Variants in MIGA1 observed in about 807,000 individuals in gnomAD.
The protein encoded by MIGA1 is family with sequence similarity 73, member A.
Under a neutral mutation model 82.0 loss-of-function variants are expected in MIGA1, and 58 were observed. That is an observed-to-expected ratio of 0.71 (90% CI 0.57 to 0.88). MIGA1 has a LOEUF of 0.88. Ranked by LOEUF, MIGA1 falls within the 40% of genes least tolerant of loss-of-function variation. MIGA1 has a pLI of 0.00. For synonymous variants in MIGA1, 249 were observed against 253.6 expected, an observed-to-expected ratio of 0.98 and a Z score of 0.17; for missense variants, 751 against 749.1, an observed-to-expected ratio of 1.00 and a Z score of -0.03.
chr1:77,858,813 T>G, intron 8 of MIGA1, 125 bp from the exon 9 acceptor site: 1 of 602,154 alleles, frequency 1.7e-6, no homozygotes, highest in South Asian at 2.1e-5. Context: ...AGAGACAGGG[T>G]CTTACCATGT....
intron 2 of MIGA1, among the ~76,000 whole-genome samples, chr1:77,783,757 G>T (rs959635358): frequency 3.9e-5 from 6 of 152,038 alleles, no homozygotes; most frequent in Admixed American, 3.9e-4. Context: ...TCACATTGTT[G>T]TACAAACAAT....
At chr1:77,786,269 C>G (rs1040546951) in intron 2 of MIGA1, among the ~76,000 whole-genome samples, 5 of 152,210 alleles carry the variant, frequency 3.3e-5, no homozygotes, top group African/African-American at 7.2e-5. Context: ...CCTGAAACCA[C>G]TTTTTCCTCC....
intron 7 of MIGA1, among the ~76,000 whole-genome samples, chr1:77,840,255 A>C (rs1003989782): frequency 1.1e-4 from 17 of 152,306 alleles, no homozygotes; most frequent in African/African-American, 4.1e-4. Flanking sequence ...ACTTGGATTT[A>C]ATGAGTAAAT....
chr1:77,794,446 T>C (rs553149787), intron 2 of MIGA1, among the ~76,000 whole-genome samples: 49 of 152,304 alleles, frequency 3.2e-4, no homozygotes, highest in African/African-American at 1.1e-3. Context: ...AGGATAGGTA[T>C]TTTGCAGAAT....
chr1:77,814,957 C>G (rs1683516838), intron 6 of MIGA1, 151 bp from the exon 7 acceptor site: 1 of 459,364 alleles, frequency 2.2e-6, no homozygotes, highest in African/African-American at 2.0e-5. Context: ...ACCCAGGCCT[C>G]TTGACTTCTG....
At chr1:77,843,699 C>G (rs901239292) in intron 8 of MIGA1, among the ~76,000 whole-genome samples, 3 of 152,096 alleles carry the variant, frequency 2.0e-5, no homozygotes, top group Non-Finnish European at 4.4e-5. Flanking sequence ...AATTTTTCAA[C>G]TTATATCAAG....
intron 14 of MIGA1, among the ~76,000 whole-genome samples, chr1:77,871,575 C>A (rs1030807132): frequency 6.6e-6 from 1 of 151,920 alleles, no homozygotes; most frequent in Non-Finnish European, 1.5e-5. Context: ...ATAACCCCCG[C>A]CCCCCAGGAG....
intron 12 of MIGA1, among the ~76,000 whole-genome samples, chr1:77,862,997 C>T (rs1685526661): frequency 6.6e-6 from 1 of 151,644 alleles, no homozygotes; most frequent in African/African-American, 2.4e-5. Flanking sequence ...GCCTTCTAGG[C>T]AGAGAAAACA....
chr1:77,860,122 GA>G lies in MIGA1; in HGVS notation c.1274del (p.Lys425ArgfsTer13). On this transcript the variant is annotated frameshift_variant, in exon 11 of 16. Transcript: ENST00000370791. LOFTEE classifies it high-confidence loss of function. ...TTATCAGCTTTAATTGTGAAAGCAC[GA>G]AAGGTAAACTTGTTCTGTTGGCAAG... The G allele has an allele frequency of 1.2e-6, 2 of 1,605,030 alleles. No individual in the cohort carries two copies. The highest frequency in any genetic ancestry group is 1.7e-6 in the Non-Finnish European group (2 of 1,173,438).
chr1:77,837,610 G>A (rs1684479649), intron 7 of MIGA1, among the ~76,000 whole-genome samples: 1 of 152,202 alleles, frequency 6.6e-6, no homozygotes, highest in African/African-American at 2.4e-5. Context: ...GGCAAGTACT[G>A]AGTGAAAAAT....
intron 15 of MIGA1, among the ~76,000 whole-genome samples, 162 bp from the exon 16 acceptor site, chr1:77,874,684 G>A (rs1173885496): frequency 6.6e-6 from 1 of 152,086 alleles, no homozygotes; most frequent in African/African-American, 2.4e-5. Flanking sequence ...AAAAAGGAAA[G>A]GTTAAATCAC....
intron 5 of MIGA1, among the ~76,000 whole-genome samples, chr1:77,807,968 A>G (rs959628114): frequency 1.3e-5 from 2 of 151,898 alleles, no homozygotes; most frequent in African/African-American, 4.8e-5. Context: ...ACAGGTGTGC[A>G]TCACCACCCC....
chr1:77,847,377 A>C, intron 8 of MIGA1: 1 of 1,070,396 alleles, frequency 9.3e-7, no homozygotes, highest in Non-Finnish European at 1.5e-6. Flanking sequence ...GGAAAACAAT[A>C]CTAAATTGCT....
At chr1:77,816,003 G>A (rs920823336) in intron 7 of MIGA1, among the ~76,000 whole-genome samples, 3 of 152,162 alleles carry the variant, frequency 2.0e-5, no homozygotes, top group African/African-American at 7.2e-5. Flanking sequence ...GGGTGCAGTG[G>A]CATGATCTTG....
chr1:77,877,459 A>G lies in MIGA1; in HGVS notation c.*2395A>G, dbSNP rs1646902508. ...TATTATTGACGGGAATATGATTAGA[A>G]GTACCAAAACTAAAAATTCCATTAT... On this transcript the variant is annotated 3_prime_UTR_variant, in exon 16 of 16. Coordinates refer to ENST00000370791, the MANE Select transcript of MIGA1 (RefSeq NM_198549.4). The G allele has an allele frequency of 1.3e-5, 2 of 152,222 alleles. No homozygotes were observed. Among genetic ancestry groups the G allele is most frequent in the Admixed American group, 1.3e-4 (2 of 15,274 alleles). 9.4% of individuals were successfully genotyped at this position (152,222 alleles called of 1,614,324 possible). A position where few individuals can be genotyped will look rare whatever the true frequency, so the allele number is the denominator to read the frequency against.
intron 6 of MIGA1, 92 bp from the exon 7 acceptor site, chr1:77,815,016 C>T: frequency 1.1e-6 from 1 of 894,462 alleles, no homozygotes. Context: ...ATATTACTCA[C>T]TTTCTTTGCC....
At chr1:77,793,409 C>T (rs1431849362) in intron 2 of MIGA1, among the ~76,000 whole-genome samples, 6 of 151,854 alleles carry the variant, frequency 4.0e-5, no homozygotes, top group Non-Finnish European at 7.4e-5. Flanking sequence ...AGCCTATTTG[C>T]TTTTTTTACT....
chr1:77,787,386 CTTT>C (rs74680486), intron 2 of MIGA1, among the ~76,000 whole-genome samples: 3 of 142,252 alleles, frequency 2.1e-5, no homozygotes, highest in Admixed American at 7.0e-5. Context: ...GTCCTTTGCC[CTTT>C]TTTTTTTTTT....
intron 7 of MIGA1, among the ~76,000 whole-genome samples, chr1:77,821,266 C>T (rs1683797258): frequency 6.6e-6 from 1 of 152,046 alleles, no homozygotes; most frequent in Non-Finnish European, 1.5e-5. Flanking sequence ...ACCATTAAGC[C>T]ACATCTTCCC....
Sources: gnomAD v4.1 joint callset for allele counts (sites outside exome capture counted in the v4.1 genomes callset) on GRCh38, gnomAD v4.1.1 for gene constraint, MANE v1.5 for transcripts, NCBI Gene and HGNC (gene_info 2026-07-23, HGNC 2026-07-21) for gene names.